Variants in ADAM32 observed in about 807,000 individuals in gnomAD.
ADAM32 encodes ADAM metallopeptidase domain 32.
Under a neutral mutation model 114.9 loss-of-function variants are expected in ADAM32, and 89 were observed. The ratio of observed to expected loss-of-function variants is 0.77; its 90% CI spans 0.65 to 0.92. The LOEUF (loss-of-function observed/expected upper bound fraction) is 0.92, where lower values mean the gene tolerates loss of function less well. Ranked by LOEUF, ADAM32 falls within the 40% of genes least tolerant of loss-of-function variation. ADAM32 has a pLI of 0.00. For synonymous variants in ADAM32, 285 were observed against 307.5 expected (o/e 0.93, Z 0.77); for missense variants, 870 against 932.8 (o/e 0.93, Z 0.88).
chr8:39,283,771 C>CAT, intron 24 of ADAM32, 147 bp downstream of exon 24: 1 of 241,342 alleles, frequency 4.1e-6, no homozygotes, highest in Admixed American at 6.6e-5. Flanking sequence ...TTCTTTTATT[C>CAT]TTTTTTTTTT....
chr8:39,246,217 A>G lies in ADAM32; in HGVS notation c.1902+51A>G. On this transcript the variant is annotated intron_variant, in intron 17 of 24. Coordinates refer to ENST00000379907, the MANE Select transcript of ADAM32 (RefSeq NM_145004.7). ...TCACATTTCTTGGACACTTTTTTGC[A>G]TCACTCATTAATTTACTGACATTTT... 3 of 1,543,184 alleles carry G rather than the reference A, an allele frequency of 1.9e-6. No individual in the cohort carries two copies. In the South Asian group the frequency reaches 3.4e-5, roughly 18 times the overall value.
At chr8:39,259,886 C>A (rs186174559) in intron 19 of ADAM32, among the ~76,000 whole-genome samples, 44 of 152,216 alleles carry the variant, frequency 2.9e-4, no homozygotes, top group African/African-American at 1.0e-3. Flanking sequence ...ATAATGGTAT[C>A]GGTACAATAC....
chr8:39,239,609 C>T (rs1168227666), intron 16 of ADAM32, among the ~76,000 whole-genome samples: 1 of 152,134 alleles, frequency 6.6e-6, no homozygotes, highest in Non-Finnish European at 1.5e-5. Context: ...GGCCTAAATT[C>T]TTCACTTAAA....
At chr8:39,243,145 C>A (rs771252863) in intron 16 of ADAM32, among the ~76,000 whole-genome samples, 4 of 151,810 alleles carry the variant, frequency 2.6e-5, no homozygotes, top group Non-Finnish European at 5.9e-5. Context: ...TAATAAAAAC[C>A]ATTACCAATG....
intron 2 of ADAM32, among the ~76,000 whole-genome samples, chr8:39,133,875 T>C (rs1029783949): frequency 1.3e-5 from 2 of 152,186 alleles, no homozygotes; most frequent in African/African-American, 4.8e-5. Context: ...TCAGACTTAC[T>C]GAAGGCCCAT....
rs1232037788 is a variant in ADAM32, at chr8:39,274,451, G to A, written c.2240+101G>A. The A allele has an allele frequency of 2.3e-6, 3 of 1,313,066 alleles. No individual in the cohort carries two copies. In the African/African-American group the frequency reaches 4.5e-5, roughly 20 times the overall value. 81.3% of individuals were successfully genotyped at this position (1,313,066 alleles called of 1,614,324 possible). ...AAATATTTTTGAACAATGTCAATTG[G>A]TAAAGCAATGCACTAAAATCCAGAC... On this transcript the variant is annotated intron_variant, in intron 21 of 24. Coordinates refer to ENST00000379907, the MANE Select transcript of ADAM32 (RefSeq NM_145004.7).
At chr8:39,268,484 T>C (rs1430042690) in intron 19 of ADAM32, among the ~76,000 whole-genome samples, 1 of 152,208 alleles carries the variant, frequency 6.6e-6, no homozygotes, top group Non-Finnish European at 1.5e-5. Context: ...GTATTTCGAG[T>C]GTTCTGAATA....
intron 2 of ADAM32, among the ~76,000 whole-genome samples, chr8:39,122,049 A>G (rs889794141): frequency 2.0e-5 from 3 of 152,198 alleles, no homozygotes; most frequent in African/African-American, 4.8e-5. Context: ...TTGGAAGCAC[A>G]TAACTTGTCT....
chr8:39,271,146 C>A (rs1455623654), intron 20 of ADAM32, among the ~76,000 whole-genome samples: 12 of 152,000 alleles, frequency 7.9e-5, no homozygotes, highest in Admixed American at 7.9e-4. Context: ...ATAGCTGATT[C>A]TAAAATGAGA....
chr8:39,155,740 C>A (rs1187115348), intron 6 of ADAM32, among the ~76,000 whole-genome samples: 1 of 152,038 alleles, frequency 6.6e-6, no homozygotes, highest in Non-Finnish European at 1.5e-5. Context: ...TGTCTTCTAT[C>A]TTTTTTTGTC....
At chr8:39,138,936 A>G (rs1177147788) in intron 3 of ADAM32, among the ~76,000 whole-genome samples, 2 of 152,006 alleles carry the variant, frequency 1.3e-5, no homozygotes, top group African/African-American at 4.8e-5. Context: ...GATGATGAGC[A>G]TTTTTTCATA....
intron 14 of ADAM32, among the ~76,000 whole-genome samples, chr8:39,224,751 G>C (rs548834633): frequency 7.9e-5 from 12 of 152,054 alleles, no homozygotes; most frequent in African/African-American, 2.9e-4. Flanking sequence ...AGATTTTTAG[G>C]ATGCTGGTCT....
At position 39,160,952 on chromosome 8, in the gene ADAM32, T is replaced by A; in HGVS notation, c.581T>A (p.Val194Glu). The change falls in exon 7 of 25, where the codon GTG becomes GAG. Residue 194 changes from valine to glutamate, a missense_variant. By Grantham distance (121) the Val-to-Glu change is moderately radical. Transcript: ENST00000379907. ...FPLYLEMHIV[V>E]DKTLYDYWGS... is the part of the protein sequence containing the mutation. The stretch of plus-strand genomic sequence containing the variant: ...CTTTATCTAGAAATGCATATTGTGG[T>A]GGACAAAACTTTGGTATGTGTTTTG... 1.3e-6 allele frequency: 2 copies of A among 1,594,172 alleles called. No individual in the cohort carries two copies. Among genetic ancestry groups the A allele is most frequent in the South Asian group, 2.3e-5 (2 of 85,762 alleles).
At chr8:39,202,549 T>C (rs1032242289) in intron 11 of ADAM32, among the ~76,000 whole-genome samples, 1 of 152,212 alleles carries the variant, frequency 6.6e-6, no homozygotes, top group Non-Finnish European at 1.5e-5. Flanking sequence ...TAGCAGTCTA[T>C]CAATTTTGTT....
intron 11 of ADAM32, among the ~76,000 whole-genome samples, chr8:39,203,827 G>A (rs1036267154): frequency 6.6e-6 from 1 of 152,128 alleles, no homozygotes; most frequent in Non-Finnish European, 1.5e-5. Flanking sequence ...GGCAGGCCTG[G>A]TGGTGACAAA....
chr8:39,121,286 G>A (rs903981673), intron 2 of ADAM32, among the ~76,000 whole-genome samples: 2 of 152,136 alleles, frequency 1.3e-5, no homozygotes, highest in African/African-American at 2.4e-5. Context: ...AATGAAGGAA[G>A]GCTGTTTAAC....
chr8:39,198,096 T>C (rs1807132478), intron 11 of ADAM32, among the ~76,000 whole-genome samples: 1 of 152,114 alleles, frequency 6.6e-6, no homozygotes, highest in Admixed American at 6.5e-5. Context: ...ATGTGTTTTA[T>C]CCTATAATCT....
chr8:39,117,072 CG>C (rs1330229626), intron 1 of ADAM32, among the ~76,000 whole-genome samples: 3 of 151,898 alleles, frequency 2.0e-5, no homozygotes, highest in Non-Finnish European at 4.4e-5. Flanking sequence ...TCAGTAGAGA[CG>C]GGGTTTCACT....
chr8:39,222,024 G>A (rs958368714), intron 13 of ADAM32, among the ~76,000 whole-genome samples: 2 of 151,752 alleles, frequency 1.3e-5, no homozygotes, highest in African/African-American at 2.4e-5. Flanking sequence ...AAATAAAAAC[G>A]TTTTTATGGG....
Sources: gnomAD v4.1 joint callset for allele counts (sites outside exome capture counted in the v4.1 genomes callset) on GRCh38, gnomAD v4.1.1 for gene constraint, MANE v1.5 for transcripts, NCBI Gene and HGNC (gene_info 2026-07-23, HGNC 2026-07-21) for gene names.